Variants in UIMC1 observed in about 807,000 individuals in gnomAD.
UIMC1 encodes the protein ubiquitin interaction motif containing 1.
Under a neutral mutation model 84.9 loss-of-function variants are expected in UIMC1, and 42 were observed. That is an observed-to-expected ratio of 0.49 (90% confidence interval 0.39 to 0.64). The LOEUF is 0.64. Ranked by LOEUF, UIMC1 falls within the 30% of genes least tolerant of loss-of-function variation. The pLI, the probability that UIMC1 is intolerant of heterozygous loss-of-function variation, is 0.00. For missense variants in UIMC1, 825 were observed against 847.6 expected (o/e 0.97, Z 0.33); for synonymous variants, 281 against 293.0 (o/e 0.96, Z 0.42).
intron 10 of UIMC1, among the ~76,000 whole-genome samples, chr5:176,941,695 G>A (rs1246054335): frequency 1.3e-5 from 2 of 152,162 alleles, no homozygotes; most frequent in African/African-American, 4.8e-5. Context: ...CATTCAGCAT[G>A]TTAGACCACA....
At chr5:176,923,684 TAA>T (rs894481019) in intron 10 of UIMC1, among the ~76,000 whole-genome samples, 5 of 150,150 alleles carry the variant, frequency 3.3e-5, no homozygotes, top group Admixed American at 1.3e-4. Flanking sequence ...GCCAACTTGG[TAA>T]AACTCTGTCT....
chr5:176,980,044 T>C (rs925314039), intron 2 of UIMC1: 1 of 152,226 alleles, frequency 6.6e-6, no homozygotes, highest in Admixed American at 6.6e-5. Flanking sequence ...GGACACATTC[T>C]TCTTCTACCC....
At chr5:176,928,795 C>CA (rs1264678422) in intron 10 of UIMC1, among the ~76,000 whole-genome samples, 1 of 151,152 alleles carries the variant, frequency 6.6e-6, no homozygotes, top group South Asian at 2.1e-4. Context: ...ACTAAAAATA[C>CA]AAAAAATTAG....
intron 10 of UIMC1, among the ~76,000 whole-genome samples, chr5:176,914,225 A>G (rs1414652621): frequency 2.0e-5 from 3 of 151,462 alleles, no homozygotes; most frequent in Non-Finnish European, 1.5e-5. Context: ...GAACACTCCT[A>G]TTTGTTGAGA....
chr5:176,911,400 A>G lies in UIMC1; in HGVS notation c.1598-11T>C. 6.5e-7 allele frequency: 1 copy of G among 1,545,440 alleles called. No homozygotes were observed. The highest frequency in any genetic ancestry group is 8.7e-7 in the Non-Finnish European group (1 of 1,143,208). ...GTCTCCGAGTCAATACTTTTAATAT[A>G]AAAAATATATATATATACACATAGT... On this transcript the variant is annotated splice_polypyrimidine_tract_variant and intron_variant, in intron 10 of 14. Transcript: ENST00000511320.
At chr5:177,018,450 A>T (rs1378661390) in intron 1 of UIMC1, among the ~76,000 whole-genome samples, 1 of 152,218 alleles carries the variant, frequency 6.6e-6, no homozygotes, top group Non-Finnish European at 1.5e-5. Flanking sequence ...ACACACATGC[A>T]CATACAGAGT....
intron 7 of UIMC1, among the ~76,000 whole-genome samples, chr5:176,956,317 T>C (rs950157405): frequency 9.2e-5 from 14 of 152,196 alleles, no homozygotes; most frequent in African/African-American, 3.1e-4. Context: ...GAGAACTGTC[T>C]GTGAATATCA....
intron 6 of UIMC1, among the ~76,000 whole-genome samples, chr5:176,967,457 A>T (rs1768473321): frequency 1.3e-5 from 2 of 152,220 alleles, no homozygotes; most frequent in Non-Finnish European, 2.9e-5. Context: ...GGAAGGATAC[A>T]CTAGAACTAG....
intron 12 of UIMC1, 80 bp downstream of exon 12, chr5:176,908,443 A>G: frequency 1.4e-6 from 2 of 1,379,688 alleles, no homozygotes; most frequent in African/African-American, 1.5e-5. Context: ...GAAGAGGGAA[A>G]AGCCAGAACA....
intron 12 of UIMC1, chr5:176,907,455 ATAAG>A (rs1399279966): frequency 1.4e-5 from 5 of 347,612 alleles, no homozygotes; most frequent in Non-Finnish European, 2.7e-5. Flanking sequence ...AACTGGCTGT[ATAAG>A]TAAGTGCTTA....
At position 176,970,877 on chromosome 5, in the gene UIMC1, A is replaced by ATAGGGAAAAGAG; in HGVS notation, c.233-23_233-12dup. On this transcript the variant is annotated splice_polypyrimidine_tract_variant and intron_variant, in intron 3 of 14. Transcript: ENST00000511320. Reference sequence around the variant, plus strand: ...CTTCTTCTGTCATCTCTGTAAGAGGATAGGGAAAAGAGAAGGAGGAACACC... The same window carrying ATAGGGAAAAGAG: ...CTTCTTCTGTCATCTCTGTAAGAGGATAGGGAAAAGAGTAGGGAAAAGAGAAGGAGGAACACC... 1 of 1,612,758 alleles carries ATAGGGAAAAGAG rather than the reference A, an allele frequency of 6.2e-7. No individual in the cohort carries two copies. The highest frequency in any genetic ancestry group is 8.5e-7 in the Non-Finnish European group (1 of 1,179,542).
At position 176,996,262 on chromosome 5, in the gene UIMC1, C is replaced by A. The variant is rs369926995; in HGVS notation, c.-9+10388G>T. On this transcript the variant is annotated intron_variant, in intron 1 of 14. Coordinates refer to ENST00000511320, the MANE Select transcript of UIMC1 (RefSeq NM_001199298.2). ...AATCAACAGTTAAAGGAAAACAGAC[C>A]AGCATTTGCCTGGAGCCAGGTCAGA... is the stretch of plus-strand genomic sequence containing the variant. 5.3e-5 allele frequency among the ~76,000 whole-genome samples: 8 copies of A among 152,170 alleles called. No homozygotes were observed. The East Asian group carries it at 7.7e-4, about 15-fold the overall frequency.
chr5:176,956,116 C>A, intron 7 of UIMC1, 81 bp from the exon 8 acceptor site: 2 of 1,353,050 alleles, frequency 1.5e-6, no homozygotes, highest in Non-Finnish European at 1.0e-6. Flanking sequence ...GAGTCACTCA[C>A]AAAGCCACAG....
intron 10 of UIMC1, among the ~76,000 whole-genome samples, chr5:176,914,219 A>G (rs1327657143): frequency 6.6e-6 from 1 of 151,714 alleles, no homozygotes; most frequent in African/African-American, 2.4e-5. Flanking sequence ...TCAGCTGAAC[A>G]CTCCTATTTG....
intron 10 of UIMC1, among the ~76,000 whole-genome samples, chr5:176,929,172 T>G (rs1312943193): frequency 1.4e-5 from 2 of 146,312 alleles, no homozygotes; most frequent in East Asian, 2.1e-4. Flanking sequence ...GGAGAATCAC[T>G]TGAACCCGGG....
intron 9 of UIMC1, among the ~76,000 whole-genome samples, chr5:176,946,888 T>C (rs1765190385): frequency 6.6e-6 from 1 of 151,830 alleles, no homozygotes; most frequent in Non-Finnish European, 1.5e-5. Context: ...GGCAGGGGGG[T>C]AAAGGGGATC....
chr5:176,917,598 A>C (rs538614845), intron 10 of UIMC1, among the ~76,000 whole-genome samples: 16 of 152,284 alleles, frequency 1.1e-4, no homozygotes, highest in East Asian at 5.8e-4. Flanking sequence ...AAAACAAAAA[A>C]ACAAATTATC....
At chr5:176,979,733 T>C (rs1770722316) in intron 2 of UIMC1, among the ~76,000 whole-genome samples, 1 of 152,220 alleles carries the variant, frequency 6.6e-6, no homozygotes. Context: ...TTTATGCACA[T>C]TCCTGTATGC....
intron 1 of UIMC1, among the ~76,000 whole-genome samples, chr5:176,997,628 T>C (rs1371862191): frequency 7.2e-6 from 1 of 138,872 alleles, no homozygotes; most frequent in African/African-American, 2.7e-5. Flanking sequence ...GAGCTTGCAG[T>C]GAGCAGAGAT....
Sources: allele counts gnomAD v4.1 joint callset (sites outside exome capture counted in the v4.1 genomes callset), GRCh38; gene constraint gnomAD v4.1.1; transcripts MANE v1.5; gene names NCBI Gene and HGNC (gene_info 2026-07-23, HGNC 2026-07-21).